AP2A1: variants seen among roughly 807,000 people sequenced by gnomAD.
AP2A1 encodes the protein adaptor related protein complex 2 subunit alpha 1.
Under a neutral mutation model 107.3 loss-of-function variants are expected in AP2A1, and 21 were observed. The observed-to-expected ratio is 0.20, with a 90% CI of 0.14 to 0.28. The LOEUF (loss-of-function observed/expected upper bound fraction) is 0.28. Ranked by LOEUF, AP2A1 falls within the 10% of genes least tolerant of loss-of-function variation. The probability of loss-of-function intolerance (pLI) is 1.00; values close to 1 mark genes in which losing one functional copy is unlikely to be tolerated. For synonymous variants in AP2A1, 602 were observed against 564.8 expected (o/e 1.07, Z -0.93); for missense variants, 873 against 1,307.7 (o/e 0.67, Z 5.13).
At chr19:49,800,711 T>G (rs528949184) in intron 11 of AP2A1, 2 of 406,376 alleles carry the variant, frequency 4.9e-6, no homozygotes, top group African/African-American at 4.2e-5. Context: ...GCTCAGGCAA[T>G]CTGCCCGCCT....
intron 1 of AP2A1, among the ~76,000 whole-genome samples, chr19:49,776,808 G>A (rs1257705908): frequency 1.3e-5 from 2 of 152,170 alleles, no homozygotes; most frequent in African/African-American, 4.8e-5. Flanking sequence ...CCCTCCCTTT[G>A]GGGCCACAAC....
chr19:49,787,645 G>A (rs564973530), intron 4 of AP2A1, among the ~76,000 whole-genome samples: 9 of 151,934 alleles, frequency 5.9e-5, no homozygotes, highest in East Asian at 3.9e-4. Flanking sequence ...CTCTGCGCCC[G>A]GTCATTTTAA....
At chr19:49,774,213 G>C (rs771979495) in intron 1 of AP2A1, among the ~76,000 whole-genome samples, 7 of 152,306 alleles carry the variant, frequency 4.6e-5, no homozygotes, top group Admixed American at 2.0e-4. Context: ...CCACAAATCC[G>C]CATTCAACAC....
intron 1 of AP2A1, among the ~76,000 whole-genome samples, chr19:49,776,718 A>C (rs2084620826): frequency 6.6e-6 from 1 of 152,114 alleles, no homozygotes. Context: ...GCACCACCCC[A>C]GTAGCACCCA....
chr19:49,799,630 C>T lies in AP2A1; in HGVS notation c.1136C>T (p.Thr379Met), dbSNP rs572245833. The change falls in exon 10 of 23, where the codon ACG becomes ATG. Residue 379 changes from threonine (T) to methionine (M), a missense_variant and splice_region_variant. By Grantham distance (81) the Thr-to-Met change is moderately conservative (BLOSUM62 -1). Transcript: ENST00000354293. ...HIDTVINALK[T>M]ERDVSVRQRA... ...CTGGGCTCTGCTCTCCGCCCTCAGA[C>T]GGAGCGGGACGTCAGCGTGCGGCAG... 9.3e-6 allele frequency: 15 copies of T among 1,609,240 alleles called. No homozygotes were observed. In the African/African-American group the frequency reaches 1.1e-4, roughly 11 times the overall value.
chr19:49,802,534 C>T lies in AP2A1; in HGVS notation c.2114+393C>T, dbSNP rs1418549089. 13 of 1,604,914 alleles carry T rather than the reference C, an allele frequency of 8.1e-6. No homozygotes were observed. The highest frequency in any genetic ancestry group is 1.3e-5 in the African/African-American group (1 of 74,894). ...TCTGCTCTGGGATTGGATGGCTCAG[C>T]GAGCTGGAGCCGCCTGCCCCCGAGA... On this transcript the variant is annotated intron_variant, in intron 15 of 22. Transcript: ENST00000354293.
Position 49,787,347 on chromosome 19 carries a change from G to GTTT in AP2A1, c.474-4584_474-4582dup, listed in dbSNP as rs199550216. Among the ~76,000 whole-genome samples, 252 of 96,154 alleles carry GTTT rather than the reference G, an allele frequency of 2.6e-3. 6 individuals are homozygous for GTTT. Among genetic ancestry groups the GTTT allele is most frequent in the African/African-American group, 6.1e-3 (136 of 22,462 alleles). 63.1% of individuals were successfully genotyped at this position (96,154 alleles called of 152,430 possible). A position where few individuals can be genotyped will look rare whatever the true frequency, so the allele number is the denominator to read the frequency against. On this transcript the variant is annotated intron_variant, in intron 4 of 22. Coordinates refer to ENST00000354293, the MANE Select transcript of AP2A1 (RefSeq NM_130787.3). ...TAGGCTTTTTTTGTTTGTTTTTTTT[G>GTTT]TTTTTTGTTTTTTTTTTTTTGAGGC...
rs2073103353 is a variant in AP2A1, at chr19:49,788,602, T to C, written c.474-3333T>C. On this transcript the variant is annotated intron_variant, in intron 4 of 22. Coordinates refer to ENST00000354293, the MANE Select transcript of AP2A1 (RefSeq NM_130787.3). The surrounding 1 kb of genome is among the most constrained non-coding windows in gnomAD (Gnocchi z 4.5). ...CAGGAGATGTGCGCCGTGGCAGCGA[T>C]GGGAAAGTGGCCCAGAGTCAGGGCT... Among the ~76,000 whole-genome samples, 1 of 140,568 alleles carries C rather than the reference T, an allele frequency of 7.1e-6. No homozygotes were observed. Among genetic ancestry groups the C allele is most frequent in the African/African-American group, 2.7e-5 (1 of 36,638 alleles). 92.2% of individuals were successfully genotyped at this position (140,568 alleles called of 152,430 possible). A position where few individuals can be genotyped will look rare whatever the true frequency, so the allele number is the denominator to read the frequency against.
At chr19:49,806,056 G>T in intron 21 of AP2A1, 63 bp from the exon 22 acceptor site, 1 of 1,602,368 alleles carries the variant, frequency 6.2e-7, no homozygotes, top group Non-Finnish European at 8.5e-7. Context: ...TTGGGATCTG[G>T]GATGCCACTG....
At chr19:49,802,850 G>C in intron 15 of AP2A1, 99 bp from the exon 16 acceptor site, 1 of 1,378,574 alleles carries the variant, frequency 7.3e-7, no homozygotes, top group South Asian at 1.2e-5. Context: ...TGTGGTTCTG[G>C]GGTTCTGTCC....
intron 12 of AP2A1, 130 bp from the exon 13 acceptor site, chr19:49,801,260 G>A: frequency 9.6e-7 from 1 of 1,038,926 alleles, no homozygotes; most frequent in Non-Finnish European, 1.4e-6. Context: ...CTGGTGCCTG[G>A]GGAGGGCCAC....
In AP2A1 at chr19:49,806,557, T is replaced by C. The variant is rs915866813; in HGVS notation, c.2791-124T>C. 2.8e-5 allele frequency: 42 copies of C among 1,498,020 alleles called. No homozygotes were observed. In the Admixed American group the frequency reaches 9.3e-4, roughly 33 times the overall value. 92.8% of individuals were successfully genotyped at this position (1,498,020 alleles called of 1,614,324 possible). On this transcript the variant is annotated intron_variant, in intron 22 of 22. Transcript: ENST00000354293. ...TCTGTTGATTTCAGTCTTACATTTT[T>C]CTCTCCTGTGTCTTGTATCACCTTT... is the stretch of plus-strand genomic sequence containing the variant.
Position 49,785,732 on chromosome 19 carries a change from C to T in AP2A1, c.473+3008C>T, listed in dbSNP as rs910259568. Among the ~76,000 whole-genome samples, 1 of 152,070 alleles carries T rather than the reference C, an allele frequency of 6.6e-6. No homozygotes were observed. Among genetic ancestry groups the T allele is most frequent in the African/African-American group, 2.4e-5 (1 of 41,398 alleles). The stretch of plus-strand genomic sequence containing the variant: ...AGGAGTTCAAGAACAGCTTGGCCAA[C>T]GTGGTGAAGCCCCGTCTCTACTAAA... On this transcript the variant is annotated intron_variant, in intron 4 of 22. Transcript: ENST00000354293. This position sits in a 1 kb window ranked among gnomAD's most constrained non-coding sequence, Gnocchi z 4.1.
In AP2A1 at chr19:49,785,420, G is replaced by A. The variant is rs1365147393; in HGVS notation, c.473+2696G>A. On this transcript the variant is annotated intron_variant, in intron 4 of 22. Coordinates refer to ENST00000354293, the MANE Select transcript of AP2A1 (RefSeq NM_130787.3). This position sits in a 1 kb window ranked among gnomAD's most constrained non-coding sequence, Gnocchi z 4.1. ...GGGGACATTGAACAGGTGAGTGAATGATGGCAGACCTTTCAGCAATGTGAC... is the reference window on the plus strand; with the variant it reads ...GGGGACATTGAACAGGTGAGTGAATAATGGCAGACCTTTCAGCAATGTGAC... Among the ~76,000 whole-genome samples the A allele has an allele frequency of 6.6e-6, 1 of 152,100 alleles. No homozygotes were observed. The highest frequency in any genetic ancestry group is 2.4e-5 in the African/African-American group (1 of 41,438).
chr19:49,806,945 G>A lies in AP2A1; in HGVS notation c.*187G>A, dbSNP rs917075981. On this transcript the variant is annotated 3_prime_UTR_variant, in exon 23 of 23. Transcript: ENST00000354293. ...TCTGCTGCTGTTTACATTCTGGGGG[G>A]TTAGGGGGAGTCCCCCTCCCTCCCT... The A allele has an allele frequency of 6.5e-7, 1 of 1,533,892 alleles. No homozygotes were observed. Among genetic ancestry groups the A allele is most frequent in the South Asian group, 1.2e-5 (1 of 83,164 alleles).
At chr19:49,798,656 C>A in intron 7 of AP2A1, 146 bp from the exon 8 acceptor site, 1 of 1,085,432 alleles carries the variant, frequency 9.2e-7, no homozygotes, top group Non-Finnish European at 1.3e-6. Flanking sequence ...AGCAGAGACC[C>A]TGGCCCTGAG....
chr19:49,773,040 AGT>A (rs1457169531), intron 1 of AP2A1, among the ~76,000 whole-genome samples: 1 of 151,760 alleles, frequency 6.6e-6, no homozygotes, highest in African/African-American at 2.4e-5. Context: ...CAGAGGGAAG[AGT>A]GTGGAGCCAG....
chr19:49,801,258 T>C, intron 12 of AP2A1, 132 bp from the exon 13 acceptor site: 10 of 1,028,598 alleles, frequency 9.7e-6, no homozygotes, highest in Non-Finnish European at 1.3e-5. Flanking sequence ...GTCTGGTGCC[T>C]GGGGAGGGCC....
chr19:49,800,548 A>C (rs966002084), intron 11 of AP2A1: 41 of 261,566 alleles, frequency 1.6e-4, no homozygotes, highest in Non-Finnish European at 3.0e-5. Flanking sequence ...GGCTCACTGC[A>C]ACCTCGGCCT....
Sources: gnomAD v4.1 joint callset for allele counts (sites outside exome capture counted in the v4.1 genomes callset) on GRCh38, gnomAD v4.1.1 for gene constraint, Gnocchi (gnomAD v3.1) non-coding constraint, MANE v1.5 for transcripts, NCBI Gene and HGNC (gene_info 2026-07-23, HGNC 2026-07-21) for gene names.